The following MYORG variants were observed in gnomAD, a reference collection of about 807,000 sequenced individuals.
MYORG encodes myogenesis regulating glycosidase, also known as alpha-galactosidase MYORG.
Under a neutral mutation model 49.8 loss-of-function variants are expected in MYORG, and 45 were observed. The observed-to-expected ratio is 0.90, with a 90% confidence interval of 0.71 to 1.16. The LOEUF (loss-of-function observed/expected upper bound fraction) is 1.16. MYORG is among the 50% of genes most tolerant of loss of function. The pLI is 0.00. For missense variants in MYORG, 1,110 were observed against 1,026.5 expected (o/e 1.08, Z -1.11); for synonymous variants, 552 against 462.9 (o/e 1.19, Z -2.47).
intron 1 of MYORG, among the ~76,000 whole-genome samples, chr9:34,373,556 G>C (rs187712997): frequency 6.6e-6 from 1 of 152,160 alleles, no homozygotes; most frequent in Non-Finnish European, 1.5e-5. Context: ...GGGTTCAAGC[G>C]GGTCTCCTGC....
Position 34,372,440 on chromosome 9 carries a change from C to T in MYORG, c.504G>A (p.Pro168=), listed in dbSNP as rs541924604. ...CYRVRWEEAA[P]GRAVEHAMFL... ...ACATGGCGTGCTCCACGGCCCGGCC[C>T]GGCGCTGCCTCCTCCCAGCGCACGC... is the stretch of plus-strand genomic sequence containing the variant. The change falls in exon 2 of 2, where the codon CCG becomes CCA. Residue 168 remains proline, a synonymous_variant. Coordinates refer to ENST00000297625, the MANE Select transcript of MYORG (RefSeq NM_020702.5). 3.6e-5 allele frequency: 57 copies of T among 1,580,634 alleles called. No homozygotes were observed. Among genetic ancestry groups the T allele is most frequent in the Non-Finnish European group, 4.6e-5 (53 of 1,164,590 alleles).
At position 34,371,737 on chromosome 9, in the gene MYORG, C is replaced by A. The variant is rs747426060; in HGVS notation, c.1207G>T (p.Gly403Cys). 2 of 1,612,718 alleles carry A rather than the reference C, an allele frequency of 1.2e-6. No homozygotes were observed. Among genetic ancestry groups the A allele is most frequent in the South Asian group, 2.2e-5 (2 of 90,968 alleles). Reference sequence around the variant, plus strand: ...AACAGCTCGCGCTCCACGCCCTCGCCGAAGCGCGACGAGTTGTAGTTGACA... The same window carrying A: ...AACAGCTCGCGCTCCACGCCCTCGCAGAAGCGCGACGAGTTGTAGTTGACA... ...PFVNYNSSRF[G>C]EGVERELFVR... is the part of the protein sequence containing the mutation. Residue 403 changes from glycine (G) to cysteine (C), a missense_variant, in exon 2 of 2, where the codon GGC (glycine) becomes TGC (cysteine). Gly to Cys is a radical substitution (Grantham distance 159, BLOSUM62 -3). Transcript: ENST00000297625.
rs1480161501 is a variant in MYORG, at chr9:34,372,573, G to A, written c.371C>T (p.Ser124Phe). ...AFRSGALDLD[S>F]CSRDGALLGC... is the part of the protein sequence containing the mutation. ...CAGCAGGGCGCCATCGCGGCTGCAGGAGTCAAGGTCCAGCGCGCCGGAGCG... is the reference window on the plus strand; with the variant it reads ...CAGCAGGGCGCCATCGCGGCTGCAGAAGTCAAGGTCCAGCGCGCCGGAGCG... The change falls in exon 2 of 2, where the codon TCC (serine) becomes TTC (phenylalanine). Residue 124 changes from serine to phenylalanine, a missense_variant. Physicochemically the swap from Ser to Phe is radical, Grantham distance 155. Coordinates refer to ENST00000297625, the MANE Select transcript of MYORG (RefSeq NM_020702.5). The A allele has an allele frequency of 6.2e-7, 1 of 1,602,740 alleles. No homozygotes were observed. Among genetic ancestry groups the A allele is most frequent in the Non-Finnish European group, 8.5e-7 (1 of 1,175,134 alleles).
Position 34,372,526 on chromosome 9 carries a change from C to G in MYORG, c.418G>C (p.Gly140Arg), listed in dbSNP as rs767060731. The change falls in exon 2 of 2, where the codon GGG becomes CGG. Residue 140 changes from glycine to arginine, a missense_variant. By Grantham distance (125) the Gly-to-Arg change is moderately radical. Coordinates refer to ENST00000297625, the MANE Select transcript of MYORG (RefSeq NM_020702.5). ...ALLGCSLTAD[G>R]LPLHFFIQTV... The stretch of plus-strand genomic sequence containing the variant: ...TGGATGAAGAAGTGCAGCGGCAGCC[C>G]GTCGGCCGTGAGCGAGCAGCCCAGC... 1.2e-5 allele frequency: 19 copies of G among 1,600,664 alleles called. No individual in the cohort carries two copies. The highest frequency in any genetic ancestry group is 1.2e-5 in the Non-Finnish European group (14 of 1,174,594).
At chr9:34,373,852 T>G (rs1432966004) in intron 1 of MYORG, among the ~76,000 whole-genome samples, 1 of 152,192 alleles carries the variant, frequency 6.6e-6, no homozygotes, top group South Asian at 2.1e-4. Context: ...GTTTTTATCC[T>G]GAGTCAAAAG....
Position 34,368,623 on chromosome 9 carries a change from A to G in MYORG, c.*2176T>C, listed in dbSNP as rs1009418616. The G allele has an allele frequency of 6.6e-6, 1 of 152,310 alleles. No homozygotes were observed. The highest frequency in any genetic ancestry group is 1.5e-5 in the Non-Finnish European group (1 of 68,136). The allele number at this position is 152,310 out of a possible 1,614,324, so 9.4% of individuals were successfully genotyped here. A position where few individuals can be genotyped will look rare whatever the true frequency, so the allele number is the denominator to read the frequency against. Reference sequence around the variant, plus strand: ...AAGAGTCACCTTTACTCCAGTACCAAACAAGTTCCTCATCGCTATCTGAGA... The same window carrying G: ...AAGAGTCACCTTTACTCCAGTACCAGACAAGTTCCTCATCGCTATCTGAGA... On this transcript the variant is annotated 3_prime_UTR_variant, in exon 2 of 2. Coordinates refer to ENST00000297625, the MANE Select transcript of MYORG (RefSeq NM_020702.5).
In MYORG at chr9:34,372,722, G is replaced by A. The variant is rs1409208419; in HGVS notation, c.222C>T (p.Ala74=). The A allele has an allele frequency of 6.2e-7, 1 of 1,613,220 alleles. No homozygotes were observed. Among genetic ancestry groups the A allele is most frequent in the Admixed American group, 1.7e-5 (1 of 59,900 alleles). ...GTAGGGAGACGCTGTAGTAGCACCAGGCCACCACCGCGGCCAGCACAAGCA... is the reference window on the plus strand; with the variant it reads ...GTAGGGAGACGCTGTAGTAGCACCAAGCCACCACCGCGGCCAGCACAAGCA... The part of the protein sequence containing the change: ...GLLLVLAAVV[A]WCYYSVSLRK... The change falls in exon 2 of 2, where the codon GCC becomes GCT. Residue 74 remains alanine, a synonymous_variant. Coordinates refer to ENST00000297625, the MANE Select transcript of MYORG (RefSeq NM_020702.5).
At position 34,367,660 on chromosome 9, in the gene MYORG, C is replaced by T. The variant is rs766707009; in HGVS notation, c.*3139G>A. The T allele has an allele frequency of 1.3e-5, 2 of 152,224 alleles. No homozygotes were observed. Among genetic ancestry groups the T allele is most frequent in the Non-Finnish European group, 2.9e-5 (2 of 68,046 alleles). 9.4% of individuals were successfully genotyped at this position (152,224 alleles called of 1,614,324 possible). On this transcript the variant is annotated 3_prime_UTR_variant, in exon 2 of 2. Coordinates refer to ENST00000297625, the MANE Select transcript of MYORG (RefSeq NM_020702.5). Reference sequence around the variant, plus strand: ...CTCCATGTCTCACATCCAGGTCACACTGATGCAGGAGGTGGGTTCCCATGG... The same window carrying T: ...CTCCATGTCTCACATCCAGGTCACATTGATGCAGGAGGTGGGTTCCCATGG...
Position 34,368,332 on chromosome 9 carries a change from A to G in MYORG, c.*2467T>C, listed in dbSNP as rs780834789. 1 of 152,212 alleles carries G rather than the reference A, an allele frequency of 6.6e-6. No homozygotes were observed. The highest frequency in any genetic ancestry group is 1.5e-5 in the Non-Finnish European group (1 of 68,024). The allele number at this position is 152,212 out of a possible 1,614,324, so 9.4% of individuals were successfully genotyped here. The stretch of plus-strand genomic sequence containing the variant: ...CATTTGGCTCCTTGTTACTTATGCA[A>G]ATTTCTGCAGGGGGCTTGAATTTAT... On this transcript the variant is annotated 3_prime_UTR_variant, in exon 2 of 2. Transcript: ENST00000297625.
In MYORG at chr9:34,370,533, C is replaced by T; in HGVS notation, c.*266G>A. On this transcript the variant is annotated 3_prime_UTR_variant, in exon 2 of 2. Coordinates refer to ENST00000297625, the MANE Select transcript of MYORG (RefSeq NM_020702.5). The stretch of plus-strand genomic sequence containing the variant: ...TTCCTCTAAGCTCTCTGGCTTCCAC[C>T]CCAGGGAAGAGGTTTCTGCAGATTG... 1 of 450,424 alleles carries T rather than the reference C, an allele frequency of 2.2e-6. No individual in the cohort carries two copies. Among genetic ancestry groups the T allele is most frequent in the South Asian group, 6.4e-5 (1 of 15,746 alleles). The allele number at this position is 450,424 out of a possible 1,614,324, so 27.9% of individuals were successfully genotyped here. A position where few individuals can be genotyped will look rare whatever the true frequency, so the allele number is the denominator to read the frequency against.
Position 34,371,650 on chromosome 9 carries a change from C to T in MYORG, c.1294G>A (p.Val432Met). The T allele has an allele frequency of 1.9e-6, 3 of 1,606,194 alleles. No individual in the cohort carries two copies. Among genetic ancestry groups the T allele is most frequent in the Non-Finnish European group, 2.5e-6 (3 of 1,176,960 alleles). The change falls in exon 2 of 2, where the codon GTG (valine) becomes ATG (methionine). Residue 432 changes from valine to methionine, a missense_variant. Physicochemically the swap from Val to Met is conservative, Grantham distance 21. Coordinates refer to ENST00000297625, the MANE Select transcript of MYORG (RefSeq NM_020702.5). ...LVRWWNGIGAVLDFTHPKARD... is the reference protein window; with the variant it reads ...LVRWWNGIGAMLDFTHPKARD... ...GCCTTTGGGTGCGTGAAGTCTAGCACCGCGCCGATGCCGTTCCACCAGCGC... is the reference window on the plus strand; with the variant it reads ...GCCTTTGGGTGCGTGAAGTCTAGCATCGCGCCGATGCCGTTCCACCAGCGC...
Position 34,371,967 on chromosome 9 carries a change from C to T in MYORG, c.977G>A (p.Arg326His), listed in dbSNP as rs1157287458. The change falls in exon 2 of 2, where the codon CGC becomes CAC. Residue 326 changes from arginine to histidine, a missense_variant. By Grantham distance (29) the Arg-to-His change is conservative (BLOSUM62 0). Transcript: ENST00000297625. ...PIWSTWALYG[R>H]AVDQDKVLRF... is the part of the protein sequence containing the mutation. ...CAGCACCTTGTCCTGGTCCACGGCG[C>T]GCCCGTACAGCGCCCATGTGGACCA... 6.2e-7 allele frequency: 1 copy of T among 1,614,030 alleles called. No individual in the cohort carries two copies. The highest frequency in any genetic ancestry group is 8.5e-7 in the Non-Finnish European group (1 of 1,179,892).
rs1273605193 is a variant in MYORG, at chr9:34,372,133, CG to C, written c.810del (p.Ala271ProfsTer9). The C allele has an allele frequency of 6.2e-7, 1 of 1,611,958 alleles. No homozygotes were observed. The highest frequency in any genetic ancestry group is 8.5e-7 in the Non-Finnish European group (1 of 1,179,702). On this transcript the variant is annotated frameshift_variant, in exon 2 of 2. Coordinates refer to ENST00000297625, the MANE Select transcript of MYORG (RefSeq NM_020702.5). LOFTEE classifies it high-confidence loss of function. ...AGCTCTGGCGCTGCGGCGCGGCCGG[CG>C]GGTGGCTTGTAGGGCGTGTCGTGGT... is the stretch of plus-strand genomic sequence containing the variant. ...ARYHDTPYKP[P>X]AGRAAAPELS...
At chr9:34,373,816 AG>A (rs1257460802) in intron 1 of MYORG, among the ~76,000 whole-genome samples, 3 of 152,102 alleles carry the variant, frequency 2.0e-5, no homozygotes, top group Non-Finnish European at 4.4e-5. Flanking sequence ...GAGAGGAGGG[AG>A]GAAGGGAGAA....
intron 1 of MYORG, 59 bp from the exon 2 acceptor site, chr9:34,373,065 C>G (rs1820663154): frequency 2.4e-6 from 3 of 1,229,782 alleles, no homozygotes; most frequent in Non-Finnish European, 3.4e-6. Context: ...TTTCCATTTG[C>G]TGCCGCAAGC....
intron 1 of MYORG, among the ~76,000 whole-genome samples, chr9:34,375,055 C>G (rs551995732): frequency 6.6e-6 from 1 of 152,148 alleles, no homozygotes; most frequent in Non-Finnish European, 1.5e-5. Context: ...GGTGCACACA[C>G]GGGCATACAC....
Position 34,372,489 on chromosome 9 carries a change from G to A in MYORG, c.455C>T (p.Pro152Leu), listed in dbSNP as rs759521010. Residue 152 changes from proline (P) to leucine (L), a missense_variant, in exon 2 of 2, where the codon CCC becomes CTC. Transcript: ENST00000297625. Reference protein sequence around the residue: ...PLHFFIQTVRPKDTVMCYRVR... With the variant: ...PLHFFIQTVRLKDTVMCYRVR... ...GCGGTAGCACATGACCGTGTCCTTG[G>A]GCCGCACAGTCTGGATGAAGAAGTG... is the stretch of plus-strand genomic sequence containing the variant. The A allele has an allele frequency of 4.4e-6, 7 of 1,598,130 alleles. No individual in the cohort carries two copies. The South Asian group carries it at 7.9e-5, about 18-fold the overall frequency.
At position 34,371,754 on chromosome 9, in the gene MYORG, T is replaced by G; in HGVS notation, c.1190A>C (p.Tyr397Ser). 6.2e-7 allele frequency: 1 copy of G among 1,613,604 alleles called. No individual in the cohort carries two copies. The highest frequency in any genetic ancestry group is 8.5e-7 in the Non-Finnish European group (1 of 1,179,696). Reference sequence around the variant, plus strand: ...GCCCTCGCCGAAGCGCGACGAGTTGTAGTTGACAAAAGGGTGCACCCAGAG... The same window carrying G: ...GCCCTCGCCGAAGCGCGACGAGTTGGAGTTGACAAAAGGGTGCACCCAGAG... ...VTLWVHPFVN[Y>S]NSSRFGEGVE... Residue 397 changes from tyrosine (Y) to serine (S), a missense_variant, in exon 2 of 2, where the codon TAC becomes TCC. Transcript: ENST00000297625.
In MYORG at chr9:34,371,980, C is replaced by G; in HGVS notation, c.964G>C (p.Ala322Pro). 1 of 1,614,060 alleles carries G rather than the reference C, an allele frequency of 6.2e-7. No homozygotes were observed. The highest frequency in any genetic ancestry group is 8.5e-7 in the Non-Finnish European group (1 of 1,179,892). ...TGGTCCACGGCGCGCCCGTACAGCG[C>G]CCATGTGGACCAAATGGGGTCTCGG... ...AFRDPIWSTW[A>P]LYGRAVDQDK... Residue 322 changes from alanine (A) to proline (P), a missense_variant, in exon 2 of 2, where the codon GCG (alanine) becomes CCG (proline). Physicochemically the swap from Ala to Pro is conservative, Grantham distance 27. Transcript: ENST00000297625.
Sources: gnomAD v4.1 joint callset for allele counts (sites outside exome capture counted in the v4.1 genomes callset) on GRCh38, gnomAD v4.1.1 for gene constraint, MANE v1.5 for transcripts, NCBI Gene and HGNC (gene_info 2026-07-23, HGNC 2026-07-21) for gene names.